Variants in SLC9C1 observed in about 807,000 individuals in gnomAD.
The protein encoded by SLC9C1 is solute carrier family 9 member C1.
Under a neutral mutation model 140.9 loss-of-function variants are expected in SLC9C1, and 97 were observed. That is an observed-to-expected ratio of 0.69 (90% confidence interval 0.58 to 0.82). The LOEUF is 0.82. Ranked by LOEUF, SLC9C1 falls within the 40% of genes least tolerant of loss-of-function variation. The pLI, the probability that SLC9C1 is intolerant of heterozygous loss-of-function variation, is 0.00. For synonymous variants in SLC9C1, 440 were observed against 442.6 expected (o/e 0.99, Z 0.07); for missense variants, 1,340 against 1,389.3 (o/e 0.96, Z 0.56).
At chr3:112,152,391 T>C (rs1045438893) in intron 27 of SLC9C1, among the ~76,000 whole-genome samples, 2 of 152,138 alleles carry the variant, frequency 1.3e-5, no homozygotes, top group African/African-American at 4.8e-5. Context: ...AAGAGCAGTA[T>C]TGCTGCCAGC....
At chr3:112,151,334 T>A (rs1402756269) in intron 28 of SLC9C1, 1 of 518,888 alleles carries the variant, frequency 1.9e-6, no homozygotes, top group Non-Finnish European at 3.8e-6. Context: ...TCTTTTATCC[T>A]CTCTTGTGAA....
At chr3:112,240,220 T>A (rs2079103959) in intron 11 of SLC9C1, among the ~76,000 whole-genome samples, 1 of 152,252 alleles carries the variant, frequency 6.6e-6, no homozygotes, top group Non-Finnish European at 1.5e-5. Flanking sequence ...ATAGCTAATG[T>A]TTATTGAGTG....
intron 20 of SLC9C1, chr3:112,186,050 C>A: frequency 8.1e-7 from 1 of 1,233,220 alleles, no homozygotes; most frequent in Non-Finnish European, 1.1e-6. Context: ...TCTTCCGCTG[C>A]ACAGTGCACT....
intron 23 of SLC9C1, among the ~76,000 whole-genome samples, chr3:112,177,191 G>A (rs1388952574): frequency 6.6e-6 from 1 of 151,742 alleles, no homozygotes; most frequent in African/African-American, 2.4e-5. Flanking sequence ...ATTTTTATTG[G>A]AGCCAGGGTT....
At chr3:112,260,266 A>G (rs557946234) in intron 10 of SLC9C1, among the ~76,000 whole-genome samples, 2 of 147,680 alleles carry the variant, frequency 1.4e-5, no homozygotes, top group East Asian at 4.1e-4. Context: ...TTTAGTTTGG[A>G]TATTTCTTAT....
At chr3:112,229,623 T>C (rs1416810559) in intron 13 of SLC9C1, among the ~76,000 whole-genome samples, 1 of 151,470 alleles carries the variant, frequency 6.6e-6, no homozygotes, top group Non-Finnish European at 1.5e-5. Context: ...GCTGAGAAAA[T>C]TGTGTGCGTG....
Position 112,274,934 on chromosome 3 carries a change from A to G in SLC9C1, c.576T>C (p.Phe192=). Residue 192 remains phenylalanine, a synonymous_variant, in exon 6 of 29, where the codon TTT becomes TTC. Coordinates refer to ENST00000305815, the MANE Select transcript of SLC9C1 (RefSeq NM_183061.3). ...TTCTTTTACTTTGTAGTCTTTGGTCAAAATCCATAATACTAGTAAATGTAA... is the reference window on the plus strand; with the variant it reads ...TTCTTTTACTTTGTAGTCTTTGGTCGAAATCCATAATACTAGTAAATGTAA... The part of the protein sequence containing the change: ...SLITFTSIMD[F]DQRLQSKRNH... The G allele has an allele frequency of 6.4e-7, 1 of 1,566,606 alleles. No homozygotes were observed. The highest frequency in any genetic ancestry group is 1.2e-5 in the South Asian group (1 of 81,046).
At chr3:112,191,066 G>T (rs917728252) in intron 20 of SLC9C1, among the ~76,000 whole-genome samples, 4 of 151,574 alleles carry the variant, frequency 2.6e-5, no homozygotes, top group African/African-American at 9.7e-5. Context: ...AGTTGACTTT[G>T]TATCCTACAA....
intron 4 of SLC9C1, 34 bp downstream of exon 4, chr3:112,278,695 T>C: frequency 6.4e-7 from 1 of 1,570,626 alleles, no homozygotes. Context: ...ATGTGGTTCA[T>C]GAATGAATGA....
At chr3:112,165,050 C>T (rs1404536110) in intron 26 of SLC9C1, among the ~76,000 whole-genome samples, 1 of 152,240 alleles carries the variant, frequency 6.6e-6, no homozygotes, top group East Asian at 1.9e-4. Flanking sequence ...ATCCTTTCTT[C>T]CAGTTGATCA....
At chr3:112,227,633 A>T (rs537304450) in intron 13 of SLC9C1, among the ~76,000 whole-genome samples, 2 of 152,264 alleles carry the variant, frequency 1.3e-5, no homozygotes, top group East Asian at 3.9e-4. Context: ...AATCATACGG[A>T]ATGAGGACAA....
chr3:112,168,783 AAAGCTT>A, intron 25 of SLC9C1, 88 bp downstream of exon 25: 1 of 1,203,264 alleles, frequency 8.3e-7, no homozygotes, highest in Non-Finnish European at 1.1e-6. Flanking sequence ...TGGAAGATGA[AAAGCTT>A]AAGATTATAG....
chr3:112,151,884 G>C lies in SLC9C1; in HGVS notation c.3497C>G (p.Ser1166Cys). The C allele has an allele frequency of 6.2e-7, 1 of 1,612,494 alleles. No homozygotes were observed. ...LLGTKFNCKESPRINLRKVRK... is the reference protein window; with the variant it reads ...LLGTKFNCKECPRINLRKVRK... ...GACTTTCCTTAGGTTTATTCTAGGG[G>C]ACTCCTTACAGTTGAACTTTGTCCC... The change falls in exon 28 of 29, where the codon TCC becomes TGC. Residue 1166 changes from serine (S) to cysteine (C), a missense_variant. Transcript: ENST00000305815.
At chr3:112,208,872 A>T (rs1209869266) in intron 15 of SLC9C1, among the ~76,000 whole-genome samples, 1 of 152,156 alleles carries the variant, frequency 6.6e-6, no homozygotes, top group African/African-American at 2.4e-5. Flanking sequence ...TATCATGAGC[A>T]TCTTCTCTTG....
At chr3:112,150,908 G>A (rs1380041138) in intron 28 of SLC9C1, among the ~76,000 whole-genome samples, 3 of 148,210 alleles carry the variant, frequency 2.0e-5, no homozygotes, top group Non-Finnish European at 4.4e-5. Context: ...CGTGATCTCG[G>A]CTCACTGCAA....
chr3:112,211,415 T>G (rs2078200326), intron 15 of SLC9C1, among the ~76,000 whole-genome samples: 1 of 152,218 alleles, frequency 6.6e-6, no homozygotes, highest in Non-Finnish European at 1.5e-5. Context: ...AGGCATCGCC[T>G]CATCTGGGAA....
At chr3:112,242,338 C>T (rs2079159111) in intron 11 of SLC9C1, among the ~76,000 whole-genome samples, 1 of 152,116 alleles carries the variant, frequency 6.6e-6, no homozygotes, top group African/African-American at 2.4e-5. Flanking sequence ...CAATGGCATA[C>T]CATTAAGCTA....
intron 20 of SLC9C1, among the ~76,000 whole-genome samples, chr3:112,183,410 C>CACTAA (rs1485379073): frequency 8.3e-6 from 1 of 121,118 alleles, no homozygotes; most frequent in African/African-American, 3.3e-5. Context: ...AAGTATTTAG[C>CACTAA]ACTAAACCCC....
Position 112,269,955 on chromosome 3 carries a change from T to C in SLC9C1, c.736A>G (p.Ser246Gly). 6.3e-7 allele frequency: 1 copy of C among 1,594,508 alleles called. No homozygotes were observed. The highest frequency in any genetic ancestry group is 1.4e-5 in the African/African-American group (1 of 74,034). ...AGATACAGAATTGAAAAGATGAGAC[T>C]TATATGATTGACATCATCACCAAAA... ...TVFGDDVNHI[S>G]LIFSILYLIF... Residue 246 changes from serine to glycine, a missense_variant, in exon 7 of 29, where the codon AGT (serine) becomes GGT (glycine). Ser to Gly is a moderately conservative substitution (Grantham distance 56, BLOSUM62 0). Coordinates refer to ENST00000305815, the MANE Select transcript of SLC9C1 (RefSeq NM_183061.3).
Sources: allele counts gnomAD v4.1 joint callset (sites outside exome capture counted in the v4.1 genomes callset), GRCh38; gene constraint gnomAD v4.1.1; transcripts MANE v1.5; gene names NCBI Gene and HGNC (gene_info 2026-07-23, HGNC 2026-07-21).